Variants in CFAP221 observed in about 807,000 individuals in gnomAD.
The protein encoded by CFAP221 is cilia- and flagella-associated protein 221.
Under a neutral mutation model 113.1 loss-of-function variants are expected in CFAP221, and 97 were observed. The ratio of observed to expected loss-of-function variants is 0.86; its 90% CI spans 0.73 to 1.02. The LOEUF is 1.02. CFAP221 is among the 50% of genes least tolerant of loss of function. The pLI is 0.00. For missense variants in CFAP221, 1,025 were observed against 1,013.4 expected (o/e 1.01, Z -0.16); for synonymous variants, 331 against 354.4 (o/e 0.93, Z 0.74).
At chr2:119,616,514 T>A (rs1270408266) in intron 14 of CFAP221, among the ~76,000 whole-genome samples, 2 of 152,204 alleles carry the variant, frequency 1.3e-5, no homozygotes, top group East Asian at 3.9e-4. Flanking sequence ...CTTCTGTGGC[T>A]TCCTCACCCT....
intron 12 of CFAP221, 37 bp downstream of exon 12, chr2:119,608,626 C>T (rs2104690064): frequency 6.5e-7 from 1 of 1,549,894 alleles, no homozygotes; most frequent in South Asian, 1.1e-5. Context: ...ATTTGTTTCG[C>T]TAGATGTTTT....
chr2:119,578,273 A>G (rs980482042), intron 6 of CFAP221, among the ~76,000 whole-genome samples: 1 of 152,264 alleles, frequency 6.6e-6, no homozygotes, highest in African/African-American at 2.4e-5. Flanking sequence ...CCCAGAATCA[A>G]GGAAGAACAC....
At chr2:119,658,293 G>T (rs1354462768), downstream of CFAP221, among the ~76,000 whole-genome samples, 1 of 152,062 alleles carries the variant, frequency 6.6e-6, no homozygotes, top group Non-Finnish European at 1.5e-5. Flanking sequence ...TGTTTATTTT[G>T]TTCTCAAATT....
Position 119,591,711 on chromosome 2 carries a change from A to T in CFAP221, c.631+4489A>T, listed in dbSNP as rs576722696. 7.2e-4 allele frequency among the ~76,000 whole-genome samples: 110 copies of T among 152,194 alleles called. 1 individual carries two copies. Among genetic ancestry groups the T allele is most frequent in the Non-Finnish European group, 1.2e-3 (85 of 68,032 alleles). Reference sequence around the variant, plus strand: ...CTCACACCTCTACTGCCCATACAGAAGTGCTTGTTCCAGCAAGGCCAGGAA... The same window carrying T: ...CTCACACCTCTACTGCCCATACAGATGTGCTTGTTCCAGCAAGGCCAGGAA... On this transcript the variant is annotated intron_variant, in intron 7 of 23. Coordinates refer to ENST00000413369, the MANE Select transcript of CFAP221 (RefSeq NM_001271049.2).
intron 14 of CFAP221, among the ~76,000 whole-genome samples, chr2:119,617,289 C>G (rs1685593619): frequency 6.6e-6 from 1 of 152,178 alleles, no homozygotes; most frequent in African/African-American, 2.4e-5. Context: ...TACCAGCCTC[C>G]AAGGCCCAAG....
At chr2:119,645,330 C>T (rs1687734940) in intron 21 of CFAP221, among the ~76,000 whole-genome samples, 1 of 151,738 alleles carries the variant, frequency 6.6e-6, no homozygotes. Context: ...AGGGAAGTGT[C>T]CCTCCCACCT....
At chr2:119,639,646 A>C in intron 20 of CFAP221, 135 bp from the exon 21 acceptor site, 1 of 687,646 alleles carries the variant, frequency 1.5e-6, no homozygotes, top group Non-Finnish European at 2.5e-6. Flanking sequence ...TGCTTCAGAA[A>C]AATTCAAACT....
At chr2:119,627,852 G>T in intron 16 of CFAP221, 66 bp downstream of exon 16, 1 of 1,587,840 alleles carries the variant, frequency 6.3e-7, no homozygotes, top group Non-Finnish European at 8.6e-7. Context: ...CAGATACAAG[G>T]CAAGCCCTAC....
chr2:119,545,280 G>C (rs1269495369), intron 1 of CFAP221: 1 of 152,214 alleles, frequency 6.6e-6, no homozygotes, highest in Non-Finnish European at 1.5e-5. Flanking sequence ...CAAGTTAAGA[G>C]ATTTAGTTGT....
intron 14 of CFAP221, among the ~76,000 whole-genome samples, chr2:119,621,030 G>A (rs1387713830): frequency 6.6e-6 from 1 of 151,762 alleles, no homozygotes; most frequent in East Asian, 2.0e-4. Flanking sequence ...TTCGAGACCA[G>A]TCTGACCAAC....
chr2:119,557,149 G>A (rs1238516456), intron 3 of CFAP221: 1 of 152,134 alleles, frequency 6.6e-6, no homozygotes, highest in Non-Finnish European at 1.5e-5. Flanking sequence ...GTCGCTTGTT[G>A]GAAACTGATT....
intron 6 of CFAP221, chr2:119,580,986 A>G (rs1682814396): frequency 6.6e-6 from 1 of 152,278 alleles, no homozygotes; most frequent in African/African-American, 2.4e-5. Context: ...GACAGAGGAC[A>G]GTGTAAGGGA....
chr2:119,626,118 G>A (rs1686293615), intron 15 of CFAP221, among the ~76,000 whole-genome samples: 1 of 152,120 alleles, frequency 6.6e-6, no homozygotes, highest in African/African-American at 2.4e-5. Context: ...TTGGCTTATG[G>A]CCCCTTCCCC....
rs984507368 is a variant in CFAP221, at chr2:119,639,983, A to C, written c.2225+111A>C. ...ATATGTCAAACCATACTTTTAAAGCATGAGAGAAGTTTGCTAGTCAAAGAA... is the reference window on the plus strand; with the variant it reads ...ATATGTCAAACCATACTTTTAAAGCCTGAGAGAAGTTTGCTAGTCAAAGAA... On this transcript the variant is annotated intron_variant, in intron 21 of 23. Coordinates refer to ENST00000413369, the MANE Select transcript of CFAP221 (RefSeq NM_001271049.2). 15 of 900,980 alleles carry C rather than the reference A, an allele frequency of 1.7e-5. No homozygotes were observed. The Admixed American group carries it at 3.8e-4, about 23-fold the overall frequency. The allele number at this position is 900,980 out of a possible 1,614,324, so 55.8% of individuals were successfully genotyped here.
In CFAP221 at chr2:119,638,349, A is replaced by G; in HGVS notation, c.2065A>G (p.Lys689Glu). 3 of 1,614,178 alleles carry G rather than the reference A, an allele frequency of 1.9e-6. No individual in the cohort carries two copies. The South Asian group carries it at 3.3e-5, about 18-fold the overall frequency. Residue 689 changes from lysine to glutamate, a missense_variant, in exon 20 of 24, where the codon AAA becomes GAA. Lys to Glu is a moderately conservative substitution (Grantham distance 56). Coordinates refer to ENST00000413369, the MANE Select transcript of CFAP221 (RefSeq NM_001271049.2). The stretch of plus-strand genomic sequence containing the variant: ...CCATCTATGCTCTCACCCCAAGTAC[A>G]AATTCACCAAAGAGTCCCGCCACGG... Reference protein sequence around the residue: ...DYHLCSHPKYKFTKESRHGSS... With the variant: ...DYHLCSHPKYEFTKESRHGSS...
intron 19 of CFAP221, 161 bp downstream of exon 19, chr2:119,631,062 G>T: frequency 7.4e-7 from 1 of 1,345,026 alleles, no homozygotes; most frequent in South Asian, 2.3e-5. Flanking sequence ...TTATTTTTTG[G>T]AGAATATCAG....
At chr2:119,652,974 T>C (rs1249988175) in intron 23 of CFAP221, among the ~76,000 whole-genome samples, 1 of 148,780 alleles carries the variant, frequency 6.7e-6, no homozygotes, top group Admixed American at 6.7e-5. Flanking sequence ...ATTATGTATT[T>C]ATATATGTAC....
At position 119,656,402 on chromosome 2, in the gene CFAP221, G is replaced by A; in HGVS notation, c.2455G>A (p.Glu819Lys). ...AGCACAACCAGCAGAGAAGGCCGGA[G>A]AGAAGCTGCTCGAGGAGATGAGGAA... ...DQAQPAEKAGEKLLEEMRNLR... is the reference protein window; with the variant it reads ...DQAQPAEKAGKKLLEEMRNLR... Residue 819 changes from glutamate (E) to lysine (K), a missense_variant, in exon 24 of 24, where the codon GAG becomes AAG. Coordinates refer to ENST00000413369, the MANE Select transcript of CFAP221 (RefSeq NM_001271049.2). 6.2e-7 allele frequency: 1 copy of A among 1,614,098 alleles called. No homozygotes were observed. The highest frequency in any genetic ancestry group is 8.5e-7 in the Non-Finnish European group (1 of 1,179,988).
rs1688144721 is a variant in CFAP221 at position 119,651,798 on chromosome 2, TG to T, written c.2319-174del. The stretch of plus-strand genomic sequence containing the variant: ...TACCATTATGCCTACCATTGTTTGT[TG>T]GTGGACAGCAATTTATCAGCCTTAT... On this transcript the variant is annotated intron_variant, in intron 22 of 23. Transcript: ENST00000413369. Among the ~76,000 whole-genome samples, 4 of 152,376 alleles carry T rather than the reference TG, an allele frequency of 2.6e-5. No individual in the cohort carries two copies. The South Asian group carries it at 6.2e-4, about 24-fold the overall frequency.
Sources: allele counts gnomAD v4.1 joint callset (sites outside exome capture counted in the v4.1 genomes callset), GRCh38; gene constraint gnomAD v4.1.1; transcripts MANE v1.5; gene names NCBI Gene and HGNC (gene_info 2026-07-23, HGNC 2026-07-21).